Variants in KIRREL3 observed in about 807,000 individuals in gnomAD.
KIRREL3 encodes kin of IRRE-like protein 3.
A neutral mutation model predicts 89.7 loss-of-function variants in KIRREL3; 36 were observed. The ratio of observed to expected loss-of-function variants is 0.40; its 90% CI spans 0.31 to 0.53. The LOEUF is 0.53. Ranked by LOEUF, KIRREL3 falls within the 20% of genes least tolerant of loss-of-function variation. The pLI is 0.49. For synonymous variants in KIRREL3, 445 were observed against 441.4 expected (o/e 1.01, Z -0.10); for missense variants, 864 against 1,056.6 (o/e 0.82, Z 2.53).
chr11:126,552,550 G>GTTTTTTTTTTTTTTT lies in KIRREL3; in HGVS notation c.133+10270_133+10284dup, dbSNP rs59392843. On this transcript the variant is annotated intron_variant, in intron 2 of 16. Transcript: ENST00000525144. ...TGCATCACACAGGGGAGAGAGAAAA[G>GTTTTTTTTTTTTTTT]TTTTTTTTTTTTTTTTTTTTTTTTT... Among the ~76,000 whole-genome samples, 3 of 81,752 alleles carry GTTTTTTTTTTTTTTT rather than the reference G, an allele frequency of 3.7e-5. 1 individual carries two copies. Among genetic ancestry groups the GTTTTTTTTTTTTTTT allele is most frequent in the Non-Finnish European group, 4.6e-5 (2 of 43,012 alleles). 53.6% of individuals were successfully genotyped at this position (81,752 alleles called of 152,430 possible). A position where few individuals can be genotyped will look rare whatever the true frequency, so the allele number is the denominator to read the frequency against.
chr11:126,827,108 G>A (rs1592185084), intron 1 of KIRREL3, among the ~76,000 whole-genome samples: 1 of 151,918 alleles, frequency 6.6e-6, no homozygotes, highest in African/African-American at 2.4e-5. Context: ...GCTATAGAGA[G>A]GAACAAAATG....
rs1591768881 is a variant in KIRREL3, at chr11:126,579,066, T to G, written c.56-16154A>C. Among the ~76,000 whole-genome samples the G allele has an allele frequency of 3.3e-5, 5 of 152,144 alleles. No individual in the cohort carries two copies. The South Asian group carries it at 6.3e-4, about 19-fold the overall frequency. ...CAAAGCCCGTGCTCTGTCCGTGTGCTGCCTCCGAGAAGCCATGGCCAAGAA... is the reference window on the plus strand; with the variant it reads ...CAAAGCCCGTGCTCTGTCCGTGTGCGGCCTCCGAGAAGCCATGGCCAAGAA... On this transcript the variant is annotated intron_variant, in intron 1 of 16. Transcript: ENST00000525144. This position sits in a 1 kb window ranked among gnomAD's most constrained non-coding sequence, Gnocchi z 5.3.
intron 1 of KIRREL3, among the ~76,000 whole-genome samples, chr11:126,670,644 A>T (rs1384600203): frequency 1.3e-5 from 2 of 152,232 alleles, no homozygotes; most frequent in Non-Finnish European, 1.5e-5. Context: ...TTTTCAATAG[A>T]AAGTTGGAAT....
rs1319101307 is a variant in KIRREL3 at position 126,424,435 on chromosome 11, G to A, written c.*145C>T. 1.8e-5 allele frequency: 13 copies of A among 725,356 alleles called. No homozygotes were observed. The highest frequency in any genetic ancestry group is 7.3e-5 in the South Asian group (4 of 54,544). The allele number at this position is 725,356 out of a possible 1,614,324, so 44.9% of individuals were successfully genotyped here. ...CAGATTTGTGCTTGATCAGAGCTTC[G>A]AAGGAAGGCAGTGGCAGAGGCGCTG... On this transcript the variant is annotated 3_prime_UTR_variant, in exon 17 of 17. Coordinates refer to ENST00000525144, the MANE Select transcript of KIRREL3 (RefSeq NM_032531.4).
At chr11:126,968,610 A>G (rs1196115217) in intron 1 of KIRREL3, among the ~76,000 whole-genome samples, 1 of 152,220 alleles carries the variant, frequency 6.6e-6, no homozygotes, top group Non-Finnish European at 1.5e-5. Flanking sequence ...TGGAGAAACT[A>G]TTCAAATTGC....
intron 1 of KIRREL3, among the ~76,000 whole-genome samples, chr11:126,888,218 G>A (rs1221888868): frequency 6.6e-6 from 1 of 152,162 alleles, no homozygotes; most frequent in Non-Finnish European, 1.5e-5. Context: ...AATTCTGAGA[G>A]TTTGGGACAC....
Position 126,891,168 on chromosome 11 carries a change from G to GTT in KIRREL3, c.55+109286_55+109287insAA. Among the ~76,000 whole-genome samples, 1 of 152,192 alleles carries GTT rather than the reference G, an allele frequency of 6.6e-6. No homozygotes were observed. The highest frequency in any genetic ancestry group is 1.5e-5 in the Non-Finnish European group (1 of 68,032). ...GGGTTTGAAGTGTACATAAGCCACA[G>GTT]TGGAAACATCTGAGAAGCGTCCCAA... On this transcript the variant is annotated intron_variant, in intron 1 of 16. Transcript: ENST00000525144. The surrounding 1 kb of genome is among the most constrained non-coding windows in gnomAD (Gnocchi z 5.1).
At chr11:126,971,743 T>C (rs992921079) in intron 1 of KIRREL3, among the ~76,000 whole-genome samples, 2 of 151,738 alleles carry the variant, frequency 1.3e-5, no homozygotes, top group Non-Finnish European at 3.0e-5. Flanking sequence ...CCTCTGAATC[T>C]TTCCTATAGT....
chr11:126,659,867 A>G (rs539532910), intron 1 of KIRREL3, among the ~76,000 whole-genome samples: 18 of 152,356 alleles, frequency 1.2e-4, no homozygotes, highest in African/African-American at 4.1e-4. Context: ...TGAGAAGCAT[A>G]CTACTAAGTG....
At chr11:126,936,333 G>C (rs1320967247) in intron 1 of KIRREL3, 2 of 152,140 alleles carry the variant, frequency 1.3e-5, no homozygotes, top group Non-Finnish European at 1.5e-5. Flanking sequence ...AAATAGTTCA[G>C]TAGTTTCTTA....
Position 126,808,541 on chromosome 11 carries a change from A to T in KIRREL3, c.55+191914T>A, listed in dbSNP as rs1166625336. On this transcript the variant is annotated intron_variant, in intron 1 of 16. Coordinates refer to ENST00000525144, the MANE Select transcript of KIRREL3 (RefSeq NM_032531.4). This position sits in a 1 kb window ranked among gnomAD's most constrained non-coding sequence, Gnocchi z 4.1. ...CACAGGCTTACTGCAGGGCTATACAAAAAGGTATTTTATGTCCTTAGCCTT... is the reference window on the plus strand; with the variant it reads ...CACAGGCTTACTGCAGGGCTATACATAAAGGTATTTTATGTCCTTAGCCTT... 6.6e-6 allele frequency among the ~76,000 whole-genome samples: 1 copy of T among 152,222 alleles called. No homozygotes were observed. The highest frequency in any genetic ancestry group is 1.5e-5 in the Non-Finnish European group (1 of 68,034).
rs760805705 is a variant in KIRREL3 at position 126,867,222 on chromosome 11, A to C, written c.55+133233T>G. Among the ~76,000 whole-genome samples the C allele has an allele frequency of 2.6e-5, 4 of 152,232 alleles. No individual in the cohort carries two copies. The highest frequency in any genetic ancestry group is 4.4e-5 in the Non-Finnish European group (3 of 68,036). ...CAGCGGGGCATCTATGCAGCGAGCC[A>C]CACTCCTATCACACAGCCTGCCATG... On this transcript the variant is annotated intron_variant, in intron 1 of 16. Transcript: ENST00000525144. The surrounding 1 kb of genome is among the most constrained non-coding windows in gnomAD (Gnocchi z 4.7).
chr11:126,749,508 G>C (rs913548271), intron 1 of KIRREL3, among the ~76,000 whole-genome samples: 1 of 152,150 alleles, frequency 6.6e-6, no homozygotes, highest in Non-Finnish European at 1.5e-5. Context: ...CGTGCAAGGG[G>C]AGAGGAGGTT....
Position 126,652,164 on chromosome 11 carries a change from G to C in KIRREL3, c.56-89252C>G, listed in dbSNP as rs1305959633. Among the ~76,000 whole-genome samples, 1 of 152,170 alleles carries C rather than the reference G, an allele frequency of 6.6e-6. No homozygotes were observed. The highest frequency in any genetic ancestry group is 6.5e-5 in the Admixed American group (1 of 15,270). On this transcript the variant is annotated intron_variant, in intron 1 of 16. Coordinates refer to ENST00000525144, the MANE Select transcript of KIRREL3 (RefSeq NM_032531.4). The surrounding 1 kb of genome is among the most constrained non-coding windows in gnomAD (Gnocchi z 4.9). ...CCCAAGGTTCTGGAGGTCACTGGCA[G>C]GCTGGAATTTCAGCCCCTCAGAGTG...
chr11:127,002,615 C>G (rs1950334073), upstream of KIRREL3, among the ~76,000 whole-genome samples: 1 of 152,166 alleles, frequency 6.6e-6, no homozygotes, highest in South Asian at 2.1e-4. Flanking sequence ...TGCATTAAGC[C>G]TATGGGGTTG....
intron 1 of KIRREL3, among the ~76,000 whole-genome samples, chr11:126,793,148 C>A (rs983755880): frequency 7.3e-6 from 1 of 136,518 alleles, no homozygotes; most frequent in Non-Finnish European, 1.5e-5. Flanking sequence ...AGGTTTATTG[C>A]AAAACAGCAG....
chr11:126,429,046 TGTG>T lies in KIRREL3; in HGVS notation c.1806+130_1806+132del. On this transcript the variant is annotated intron_variant, in intron 15 of 16. Transcript: ENST00000525144. This position sits in a 1 kb window ranked among gnomAD's most constrained non-coding sequence, Gnocchi z 5.2. ...GGCTGAGAGTGTGTGCCTCACCTAT[TGTG>T]GGGTGGGCAGGGGGCATCTTGAACG... The T allele has an allele frequency of 1.6e-6, 1 of 628,008 alleles. No individual in the cohort carries two copies. The highest frequency in any genetic ancestry group is 1.9e-5 in the South Asian group (1 of 52,900). 38.9% of individuals were successfully genotyped at this position (628,008 alleles called of 1,614,324 possible).
chr11:126,556,818 C>T (rs1427032649), intron 2 of KIRREL3, among the ~76,000 whole-genome samples: 13 of 151,926 alleles, frequency 8.6e-5, no homozygotes, highest in Admixed American at 2.0e-4. Context: ...AGACACTGAG[C>T]GAAATAAATA....
At chr11:126,503,837 CTTTCTCCCT>C (rs1957939497) in intron 4 of KIRREL3, among the ~76,000 whole-genome samples, 1 of 151,488 alleles carries the variant, frequency 6.6e-6, no homozygotes, top group Non-Finnish European at 1.5e-5. Context: ...CCCTCTCTCT[CTTTCTCCCT>C]TTATCTCCCT....
Sources: allele counts gnomAD v4.1 joint callset (sites outside exome capture counted in the v4.1 genomes callset), GRCh38; gene constraint gnomAD v4.1.1; non-coding constraint Gnocchi (gnomAD v3.1); transcripts MANE v1.5; gene names NCBI Gene and HGNC (gene_info 2026-07-23, HGNC 2026-07-21).